CFL2: variants seen among roughly 807,000 people sequenced by gnomAD.
CFL2 encodes the protein cofilin-2.
In CFL2, 10 loss-of-function variants were observed where a neutral mutation model predicts 19.6. The observed-to-expected ratio is 0.51, with a 90% CI of 0.31 to 0.86. The LOEUF (loss-of-function observed/expected upper bound fraction) is 0.86, where lower values mean the gene tolerates loss of function less well. Among genes scored for constraint, CFL2 ranks in the 40% least tolerant of loss-of-function variants. CFL2 has a pLI of 0.04. For synonymous variants in CFL2, 63 were observed against 66.7 expected, an observed-to-expected ratio of 0.95 and a Z score of 0.27; for missense variants, 125 against 192.1, an observed-to-expected ratio of 0.65 and a Z score of 2.06.
rs1357569309 is a variant in CFL2 at position 34,712,552 on chromosome 14, T to G, written c.*313A>C. ...TTCAATTAGCTTATCCTTTGCAGTA[T>G]TCTAAGCTATTCACATTGACGATCA... On this transcript the variant is annotated 3_prime_UTR_variant, in exon 4 of 4. Coordinates refer to ENST00000298159, the MANE Select transcript of CFL2 (RefSeq NM_138638.5). The G allele has an allele frequency of 4.0e-6, 2 of 502,440 alleles. No individual in the cohort carries two copies. The highest frequency in any genetic ancestry group is 4.5e-5 in the Admixed American group (2 of 44,076). 31.1% of individuals were successfully genotyped at this position (502,440 alleles called of 1,614,324 possible). A position where few individuals can be genotyped will look rare whatever the true frequency, so the allele number is the denominator to read the frequency against.
Position 34,711,273 on chromosome 14 carries a change from A to G in CFL2, c.*1592T>C, listed in dbSNP as rs946505251. The G allele has an allele frequency of 1.1e-5, 5 of 454,412 alleles. No homozygotes were observed. In the Admixed American group the frequency reaches 1.2e-4, roughly 11 times the overall value. 28.1% of individuals were successfully genotyped at this position (454,412 alleles called of 1,614,324 possible). A position where few individuals can be genotyped will look rare whatever the true frequency, so the allele number is the denominator to read the frequency against. ...TCTGAGCCACGACTGACTGCTTACTAGCATGCCTGTTTTGCATACCAGTAG... is the reference window on the plus strand; with the variant it reads ...TCTGAGCCACGACTGACTGCTTACTGGCATGCCTGTTTTGCATACCAGTAG... On this transcript the variant is annotated 3_prime_UTR_variant, in exon 4 of 4. Transcript: ENST00000298159.
intron 1 of CFL2, 78 bp downstream of exon 1, chr14:34,714,460 T>C (rs1009149777): frequency 2.0e-5 from 30 of 1,505,674 alleles, no homozygotes; most frequent in Non-Finnish European, 2.7e-5. Flanking sequence ...CAGGTTAAAA[T>C]GGCGGCCTCA....
intron 1 of CFL2, chr14:34,713,973 C>T (rs1451070030): frequency 1.5e-6 from 1 of 670,820 alleles, no homozygotes; most frequent in Non-Finnish European, 2.4e-6. Flanking sequence ...ATCCTAGCCA[C>T]TGACGTTTCC....
chr14:34,714,361 AG>A, intron 1 of CFL2, 176 bp downstream of exon 1: 1 of 1,026,544 alleles, frequency 9.7e-7, no homozygotes, highest in Non-Finnish European at 1.3e-6. Context: ...AAAGAGCAGC[AG>A]GGCAGGGCCT....
chr14:34,711,330 C>T lies in CFL2; in HGVS notation c.*1535G>A, dbSNP rs1477145320. ...GTCCAGTTTTGCCATTTGTGGATAA[C>T]TATGACAAGATACAAAAGCATGTGT... On this transcript the variant is annotated 3_prime_UTR_variant, in exon 4 of 4. Coordinates refer to ENST00000298159, the MANE Select transcript of CFL2 (RefSeq NM_138638.5). 2.2e-6 allele frequency: 1 copy of T among 454,478 alleles called. No individual in the cohort carries two copies. The highest frequency in any genetic ancestry group is 4.4e-6 in the Non-Finnish European group (1 of 226,790). 28.2% of individuals were successfully genotyped at this position (454,478 alleles called of 1,614,324 possible). A position where few individuals can be genotyped will look rare whatever the true frequency, so the allele number is the denominator to read the frequency against.
At position 34,709,349 on chromosome 14, in the gene CFL2, A is replaced by G. The variant is rs1885210686; in HGVS notation, c.*3516T>C. 6.6e-6 allele frequency: 1 copy of G among 152,114 alleles called. No individual in the cohort carries two copies. Among genetic ancestry groups the G allele is most frequent in the African/African-American group, 2.4e-5 (1 of 41,438 alleles). The allele number at this position is 152,114 out of a possible 1,614,324, so 9.4% of individuals were successfully genotyped here. On this transcript the variant is annotated 3_prime_UTR_variant, in exon 4 of 4. Transcript: ENST00000298159. The stretch of plus-strand genomic sequence containing the variant: ...GCATTATGAGAGGAAATTTAAGTGG[A>G]GGGATGATTCCTCTACTTCTACATG...
chr14:34,712,616 C>T lies in CFL2; in HGVS notation c.*249G>A, dbSNP rs1314945043. ...GCTTGCTGCAAGGGAGGCATATAAC[C>T]AGTTGTTTTGGCTAAAATATGACAG... On this transcript the variant is annotated 3_prime_UTR_variant, in exon 4 of 4. Coordinates refer to ENST00000298159, the MANE Select transcript of CFL2 (RefSeq NM_138638.5). 4.8e-6 allele frequency: 3 copies of T among 622,074 alleles called. No homozygotes were observed. The highest frequency in any genetic ancestry group is 4.5e-5 in the South Asian group (3 of 66,028). 38.5% of individuals were successfully genotyped at this position (622,074 alleles called of 1,614,324 possible).
rs998949092 is a variant in CFL2, at chr14:34,710,500, A to G, written c.*2365T>C. 3.9e-5 allele frequency: 17 copies of G among 441,174 alleles called. No individual in the cohort carries two copies. Among genetic ancestry groups the G allele is most frequent in the Admixed American group, 1.0e-4 (4 of 40,086 alleles). 27.3% of individuals were successfully genotyped at this position (441,174 alleles called of 1,614,324 possible). A position where few individuals can be genotyped will look rare whatever the true frequency, so the allele number is the denominator to read the frequency against. On this transcript the variant is annotated 3_prime_UTR_variant, in exon 4 of 4. Transcript: ENST00000298159. ...CTCATAACTTTGCAAGCTAGCAGTA[A>G]AATATTGCCTTCAATATTTTACTAA... is the stretch of plus-strand genomic sequence containing the variant.
chr14:34,709,660 T>C lies in CFL2; in HGVS notation c.*3205A>G, dbSNP rs1479485380. On this transcript the variant is annotated 3_prime_UTR_variant, in exon 4 of 4. Coordinates refer to ENST00000298159, the MANE Select transcript of CFL2 (RefSeq NM_138638.5). ...AAAAAAAATTAGGCATGGTGGTGCATGCCTGTAGTCCCAGCTACTTGGGAG... is the reference window on the plus strand; with the variant it reads ...AAAAAAAATTAGGCATGGTGGTGCACGCCTGTAGTCCCAGCTACTTGGGAG... 4 of 148,854 alleles carry C rather than the reference T, an allele frequency of 2.7e-5. No individual in the cohort carries two copies. The highest frequency in any genetic ancestry group is 2.0e-4 in the East Asian group (1 of 5,118). 9.2% of individuals were successfully genotyped at this position (148,854 alleles called of 1,614,324 possible). A position where few individuals can be genotyped will look rare whatever the true frequency, so the allele number is the denominator to read the frequency against.
At chr14:34,714,407 A>C in intron 1 of CFL2, 131 bp downstream of exon 1, 17 of 1,373,986 alleles carry the variant, frequency 1.2e-5, no homozygotes, top group Non-Finnish European at 1.6e-5. Context: ...GCTGGAGAGC[A>C]GCGGAGCCGC....
At chr14:34,714,390 C>T in intron 1 of CFL2, 148 bp downstream of exon 1, 2 of 1,305,366 alleles carry the variant, frequency 1.5e-6, no homozygotes, top group Non-Finnish European at 2.0e-6. Context: ...GGAGGGCAGG[C>T]CGGTCGGCTG....
At chr14:34,713,869 C>CA (rs1417367956) in intron 1 of CFL2, 2 of 1,474,008 alleles carry the variant, frequency 1.4e-6, no homozygotes, top group East Asian at 4.9e-5. Context: ...GGAGTGGCAG[C>CA]AAAAATACCT....
In CFL2 at chr14:34,710,491, C is replaced by T. The variant is rs1239655818; in HGVS notation, c.*2374G>A. The T allele has an allele frequency of 4.5e-6, 2 of 440,716 alleles. No individual in the cohort carries two copies. Among genetic ancestry groups the T allele is most frequent in the Non-Finnish European group, 9.0e-6 (2 of 221,778 alleles). The allele number at this position is 440,716 out of a possible 1,614,324, so 27.3% of individuals were successfully genotyped here. A position where few individuals can be genotyped will look rare whatever the true frequency, so the allele number is the denominator to read the frequency against. Reference sequence around the variant, plus strand: ...TTTTAAACTCTCATAACTTTGCAAGCTAGCAGTAAAATATTGCCTTCAATA... The same window carrying T: ...TTTTAAACTCTCATAACTTTGCAAGTTAGCAGTAAAATATTGCCTTCAATA... On this transcript the variant is annotated 3_prime_UTR_variant, in exon 4 of 4. Coordinates refer to ENST00000298159, the MANE Select transcript of CFL2 (RefSeq NM_138638.5).
chr14:34,712,623 T>G lies in CFL2; in HGVS notation c.*242A>C. 1.6e-6 allele frequency: 1 copy of G among 630,710 alleles called. No individual in the cohort carries two copies. Among genetic ancestry groups the G allele is most frequent in the Non-Finnish European group, 2.9e-6 (1 of 341,648 alleles). The allele number at this position is 630,710 out of a possible 1,614,324, so 39.1% of individuals were successfully genotyped here. A position where few individuals can be genotyped will look rare whatever the true frequency, so the allele number is the denominator to read the frequency against. ...GCAAGGGAGGCATATAACCAGTTGT[T>G]TTGGCTAAAATATGACAGGAAGGCA... is the stretch of plus-strand genomic sequence containing the variant. On this transcript the variant is annotated 3_prime_UTR_variant, in exon 4 of 4. Coordinates refer to ENST00000298159, the MANE Select transcript of CFL2 (RefSeq NM_138638.5).
chr14:34,713,754 A>G (rs1217448218), intron 1 of CFL2, 193 bp from the exon 2 acceptor site: 1 of 1,611,912 alleles, frequency 6.2e-7, no homozygotes, highest in Non-Finnish European at 8.5e-7. Context: ...CATCCTGCCC[A>G]TTCATCCTTC....
At position 34,711,316 on chromosome 14, in the gene CFL2, C is replaced by T. The variant is rs777587165; in HGVS notation, c.*1549G>A. On this transcript the variant is annotated 3_prime_UTR_variant, in exon 4 of 4. Transcript: ENST00000298159. Reference sequence around the variant, plus strand: ...ACCAGTAGAATCAAGTCCAGTTTTGCCATTTGTGGATAACTATGACAAGAT... The same window carrying T: ...ACCAGTAGAATCAAGTCCAGTTTTGTCATTTGTGGATAACTATGACAAGAT... 2.6e-5 allele frequency: 12 copies of T among 454,474 alleles called. No individual in the cohort carries two copies. The highest frequency in any genetic ancestry group is 6.9e-4 in the Middle Eastern group (1 of 1,444). 28.2% of individuals were successfully genotyped at this position (454,474 alleles called of 1,614,324 possible). A position where few individuals can be genotyped will look rare whatever the true frequency, so the allele number is the denominator to read the frequency against.
rs916522992 is a variant in CFL2, at chr14:34,712,058, T to G, written c.*807A>C. On this transcript the variant is annotated 3_prime_UTR_variant, in exon 4 of 4. Coordinates refer to ENST00000298159, the MANE Select transcript of CFL2 (RefSeq NM_138638.5). ...TGCAACGTGGCCATTTTTGTGAGGG[T>G]GGGGAGTTTGATCTCAAAACAATGT... 1 of 454,344 alleles carries G rather than the reference T, an allele frequency of 2.2e-6. No individual in the cohort carries two copies. The highest frequency in any genetic ancestry group is 4.4e-6 in the Non-Finnish European group (1 of 226,756). The allele number at this position is 454,344 out of a possible 1,614,324, so 28.1% of individuals were successfully genotyped here.
Position 34,713,284 on chromosome 14 carries a change from G to A in CFL2, c.281C>T (p.Ser94Phe), listed in dbSNP as rs756687915. The A allele has an allele frequency of 1.2e-5, 20 of 1,612,048 alleles. No homozygotes were observed. Among genetic ancestry groups the A allele is most frequent in the Middle Eastern group, 1.6e-4 (1 of 6,072 alleles). Residue 94 changes from serine (S) to phenylalanine (F), a missense_variant, in exon 2 of 4, where the codon TCT (serine) becomes TTT (phenylalanine). Transcript: ENST00000298159. ...LYDATYETKE[S>F]KKEDLVFIFW... The stretch of plus-strand genomic sequence containing the variant: ...TATAAATACTAGGTCTTCTTTCTTA[G>A]ACTCTTTTGTTTCGTATGTGGCATC...
rs1160195117 is a variant in CFL2, at chr14:34,710,648, ATC to A, written c.*2215_*2216del. On this transcript the variant is annotated 3_prime_UTR_variant, in exon 4 of 4. Transcript: ENST00000298159. ...TAACAAGTGAACTATTATTAATTTTATCTCTTTTTTTGGCTCTACGCACAAAG... is the reference window on the plus strand; with the variant it reads ...TAACAAGTGAACTATTATTAATTTTATCTTTTTTTGGCTCTACGCACAAAG... 3.9e-5 allele frequency: 17 copies of A among 439,470 alleles called. No homozygotes were observed. The highest frequency in any genetic ancestry group is 6.3e-5 in the Non-Finnish European group (14 of 222,082). 27.2% of individuals were successfully genotyped at this position (439,470 alleles called of 1,614,324 possible).
Sources: gnomAD v4.1 joint callset for allele counts on GRCh38, gnomAD v4.1.1 for gene constraint, MANE v1.5 for transcripts, NCBI Gene and HGNC (gene_info 2026-07-23, HGNC 2026-07-21) for gene names.